The following RAB3IL1 variants were observed in gnomAD, a reference collection of about 807,000 sequenced individuals.
RAB3IL1 encodes RAB3A interacting protein like 1.
RAB3IL1 carries 37 observed loss-of-function variants against 49.2 expected under a neutral mutation model. The observed-to-expected ratio is 0.75, with a 90% CI of 0.58 to 0.99. The LOEUF (loss-of-function observed/expected upper bound fraction) is 0.99. Ranked by LOEUF, RAB3IL1 falls within the 50% of genes least tolerant of loss-of-function variation. The pLI, the probability that RAB3IL1 is intolerant of heterozygous loss-of-function variation, is 0.00. For synonymous variants in RAB3IL1, 193 were observed against 213.9 expected (o/e 0.90, Z 0.85); for missense variants, 484 against 513.0 (o/e 0.94, Z 0.55).
At chr11:61,899,293 C>G (rs544734894) in intron 9 of RAB3IL1, 21 bp downstream of exon 9, 2 of 1,599,812 alleles carry the variant, frequency 1.3e-6, no homozygotes, top group Admixed American at 1.7e-5. Flanking sequence ...ATCCCTGCAC[C>G]GGCCACCAGG....
At chr11:61,925,970 A>C in the RAB3IL1 span, among the ~76,000 whole-genome samples, 13 of 152,152 alleles carry the variant, frequency 8.5e-5, no homozygotes, top group Non-Finnish European at 1.9e-4. Context: ...TAAAAAATAG[A>C]AGTGAACACT....
chr11:61,919,415 A>C (rs373923741), upstream of RAB3IL1, among the ~76,000 whole-genome samples: 16 of 152,296 alleles, frequency 1.1e-4, no homozygotes, highest in East Asian at 2.5e-3. Context: ...TGCCTCCCCC[A>C]GTAGGGAGGA....
At position 61,915,768 on chromosome 11, in the gene RAB3IL1, T is replaced by G. The variant is rs1376987300; in HGVS notation, c.11+1589A>C. On this transcript the variant is annotated intron_variant, in intron 1 of 9. Coordinates refer to ENST00000394836, the MANE Select transcript of RAB3IL1 (RefSeq NM_013401.4). The stretch of plus-strand genomic sequence containing the variant: ...AGTCTCAAGCCCAGGCCGGGTGCAG[T>G]GGCTCACACCTGTAATCCCAGCACT... Among the ~76,000 whole-genome samples, 3 of 152,188 alleles carry G rather than the reference T, an allele frequency of 2.0e-5. No individual in the cohort carries two copies. The East Asian group carries it at 5.8e-4, about 29-fold the overall frequency.
upstream of RAB3IL1, among the ~76,000 whole-genome samples, chr11:61,924,683 T>G (rs1217506675): frequency 1.3e-5 from 2 of 152,176 alleles, no homozygotes; most frequent in African/African-American, 4.8e-5. Flanking sequence ...CATCATATTG[T>G]GGGGTGCTGA....
the RAB3IL1 span, chr11:61,945,708 C>A: frequency 1.1e-6 from 1 of 951,354 alleles, no homozygotes; most frequent in Non-Finnish European, 1.3e-6. Flanking sequence ...CCACCTGCCA[C>A]GAGCCCCAGT....
At chr11:61,942,981 G>A in the RAB3IL1 span, among the ~76,000 whole-genome samples, 1 of 152,140 alleles carries the variant, frequency 6.6e-6, no homozygotes, top group Non-Finnish European at 1.5e-5. Flanking sequence ...TTCCAACTGC[G>A]TTTTTTGCAG....
rs1939175094 is a variant in RAB3IL1, at chr11:61,906,248, G to T, written c.657+218C>A. ...TCAGTGGGGCAGGGAGGGGGCCTCAGGTCCCCAGATGGTATACCCTGGAGG... is the reference window on the plus strand; with the variant it reads ...TCAGTGGGGCAGGGAGGGGGCCTCATGTCCCCAGATGGTATACCCTGGAGG... On this transcript the variant is annotated intron_variant, in intron 5 of 9. Coordinates refer to ENST00000394836, the MANE Select transcript of RAB3IL1 (RefSeq NM_013401.4). This position sits in a 1 kb window ranked among gnomAD's most constrained non-coding sequence, Gnocchi z 4.6. 1.3e-5 allele frequency among the ~76,000 whole-genome samples: 2 copies of T among 152,158 alleles called. No homozygotes were observed. Among genetic ancestry groups the T allele is most frequent in the Admixed American group, 1.3e-4 (2 of 15,284 alleles).
At chr11:61,899,268 CCACTCCCGT>C in intron 9 of RAB3IL1, 37 bp downstream of exon 9, 1 of 1,575,488 alleles carries the variant, frequency 6.3e-7, no homozygotes, top group Non-Finnish European at 8.6e-7. Flanking sequence ...CCATCCAGCC[CCACTCCCGT>C]GTGCGATCCC....
At chr11:61,926,731 T>A in the RAB3IL1 span, among the ~76,000 whole-genome samples, 2 of 151,506 alleles carry the variant, frequency 1.3e-5, no homozygotes, top group Non-Finnish European at 2.9e-5. Context: ...ATTTTGTATT[T>A]TTAGTAGAGA....
chr11:61,928,030 C>T, the RAB3IL1 span, among the ~76,000 whole-genome samples: 12 of 152,118 alleles, frequency 7.9e-5, no homozygotes, highest in South Asian at 1.7e-3. Flanking sequence ...GAAGGATTTA[C>T]GCAGGAGTGT....
At chr11:61,905,118 C>T (rs751745500) in intron 5 of RAB3IL1, among the ~76,000 whole-genome samples, 12 of 152,192 alleles carry the variant, frequency 7.9e-5, no homozygotes, top group Non-Finnish European at 1.2e-4. Flanking sequence ...TGTTAAATTT[C>T]TTGGCGCTAC....
At chr11:61,920,792 G>C (rs893473953), upstream of RAB3IL1, among the ~76,000 whole-genome samples, 1 of 149,848 alleles carries the variant, frequency 6.7e-6, no homozygotes, top group Non-Finnish European at 1.5e-5. Flanking sequence ...GCATGGTGGC[G>C]CATGCCTGTA....
chr11:61,904,821 GTC>G lies in RAB3IL1; in HGVS notation c.717_718del (p.Lys239AsnfsTer40). On this transcript the variant is annotated frameshift_variant, in exon 6 of 10. Coordinates refer to ENST00000394836, the MANE Select transcript of RAB3IL1 (RefSeq NM_013401.4). LOFTEE classifies it high-confidence loss of function. Reference sequence around the variant, plus strand: ...GTACACCCTTTCCAGGAAGGGGCAGGTCTTGTCCAGGGTGGGGGATTCCCTCC... The same window carrying G: ...GTACACCCTTTCCAGGAAGGGGCAGGTTGTCCAGGGTGGGGGATTCCCTCC... 3 of 1,611,542 alleles carry G rather than the reference GTC, an allele frequency of 1.9e-6. No individual in the cohort carries two copies. The highest frequency in any genetic ancestry group is 2.5e-6 in the Non-Finnish European group (3 of 1,178,822).
intron 1 of RAB3IL1, among the ~76,000 whole-genome samples, chr11:61,913,150 C>T (rs529177343): frequency 6.6e-6 from 1 of 151,940 alleles, no homozygotes; most frequent in Non-Finnish European, 1.5e-5. Context: ...GCAGCTGCAG[C>T]CTGAGCCTGG....
At chr11:61,930,098 G>T in the RAB3IL1 span, among the ~76,000 whole-genome samples, 1 of 151,550 alleles carries the variant, frequency 6.6e-6, no homozygotes. Flanking sequence ...GTTTTGCCAC[G>T]TTGCCCAGGC....
At position 61,904,799 on chromosome 11, in the gene RAB3IL1, C is replaced by T. The variant is rs749894276; in HGVS notation, c.741G>A (p.Val247=). 1.2e-6 allele frequency: 2 copies of T among 1,611,354 alleles called. No individual in the cohort carries two copies. The highest frequency in any genetic ancestry group is 1.7e-6 in the Non-Finnish European group (2 of 1,179,226). ...LDKTCPFLER[V]YREDVGPCLD... ...GGCAGGGGCCCACGTCCTCTCGGTACACCCTTTCCAGGAAGGGGCAGGTCT... is the reference window on the plus strand; with the variant it reads ...GGCAGGGGCCCACGTCCTCTCGGTATACCCTTTCCAGGAAGGGGCAGGTCT... Residue 247 remains valine (V), a synonymous_variant, in exon 6 of 10, where the codon GTG becomes GTA. Transcript: ENST00000394836.
Position 61,898,940 on chromosome 11 carries a change from G to A in RAB3IL1, c.1066+374C>T, listed in dbSNP as rs1157733486. On this transcript the variant is annotated intron_variant, in intron 9 of 9. Transcript: ENST00000394836. The surrounding 1 kb of genome is among the most constrained non-coding windows in gnomAD (Gnocchi z 5.1). The stretch of plus-strand genomic sequence containing the variant: ...AGGCCTTGCAGAATGGGCTGTGGGG[G>A]GAGGGGGTGGAGGGAGGCCCTGTCC... The A allele has an allele frequency of 4.1e-6, 2 of 488,850 alleles. No individual in the cohort carries two copies. Among genetic ancestry groups the A allele is most frequent in the Admixed American group, 2.3e-5 (1 of 43,486 alleles). 30.3% of individuals were successfully genotyped at this position (488,850 alleles called of 1,614,324 possible).
At chr11:61,942,470 A>AC in the RAB3IL1 span, among the ~76,000 whole-genome samples, 2 of 151,122 alleles carry the variant, frequency 1.3e-5, no homozygotes, top group Non-Finnish European at 2.9e-5. Context: ...AATAAATTAA[A>AC]AAACAAACAA....
chr11:61,937,388 C>T, the RAB3IL1 span, among the ~76,000 whole-genome samples: 7 of 152,188 alleles, frequency 4.6e-5, no homozygotes, highest in South Asian at 6.2e-4. Context: ...CTCACTGCAG[C>T]CATGAACTCC....
Sources: allele counts gnomAD v4.1 joint callset (sites outside exome capture counted in the v4.1 genomes callset), GRCh38; gene constraint gnomAD v4.1.1; non-coding constraint Gnocchi (gnomAD v3.1); transcripts MANE v1.5; gene names NCBI Gene and HGNC (gene_info 2026-07-23, HGNC 2026-07-21).